PID1: variants seen among roughly 807,000 people sequenced by gnomAD.
PID1 encodes the protein phosphotyrosine interaction domain containing 1, also known as PTB-containing, cubilin and LRP1-interacting protein.
In PID1, 10 loss-of-function variants were observed where a neutral mutation model predicts 19.1. The ratio of observed to expected loss-of-function variants is 0.52; its 90% CI spans 0.32 to 0.89. The LOEUF (loss-of-function observed/expected upper bound fraction) is 0.89. Ranked by LOEUF, PID1 falls within the 40% of genes least tolerant of loss-of-function variation. PID1 has a pLI of 0.03. For missense variants in PID1, 248 were observed against 285.3 expected (o/e 0.87, Z 0.94); for synonymous variants, 130 against 116.0 (o/e 1.12, Z -0.78).
At chr2:229,084,070 A>G (rs2106213173) in intron 2 of PID1, among the ~76,000 whole-genome samples, 4 of 152,334 alleles carry the variant, frequency 2.6e-5, no homozygotes, top group Admixed American at 2.6e-4. Context: ...GCTCACTGCC[A>G]ATCGGACCCT....
At chr2:229,176,934 T>C (rs1282003118) in intron 1 of PID1, among the ~76,000 whole-genome samples, 1 of 152,174 alleles carries the variant, frequency 6.6e-6, no homozygotes, top group South Asian at 2.1e-4. Flanking sequence ...CACATGCTGA[T>C]AGACATACCC....
Position 229,232,380 on chromosome 2 carries a change from C to T in PID1, c.30+38634G>A, listed in dbSNP as rs182000546. ...CTGTGAGGCAGAGCCTGCAGTGAGC[C>T]GAGATCGTGCCACTGTACTCTAGCC... On this transcript the variant is annotated intron_variant, in intron 1 of 2. Coordinates refer to ENST00000392055, the MANE Select transcript of PID1 (RefSeq NM_001100818.2). Among the ~76,000 whole-genome samples, 74 of 120,114 alleles carry T rather than the reference C, an allele frequency of 6.2e-4. No homozygotes were observed. In the East Asian group the frequency reaches 0.017, roughly 27 times the overall value. The allele number at this position is 120,114 out of a possible 152,430, so 78.8% of individuals were successfully genotyped here.
At chr2:229,266,209 G>A (rs1280561927) in intron 1 of PID1, among the ~76,000 whole-genome samples, 1 of 152,006 alleles carries the variant, frequency 6.6e-6, no homozygotes, top group Non-Finnish European at 1.5e-5. Context: ...TGTAATAATA[G>A]CTGTTGCTTT....
intron 2 of PID1, among the ~76,000 whole-genome samples, chr2:229,099,457 C>G (rs1695034274): frequency 6.6e-6 from 1 of 152,156 alleles, no homozygotes; most frequent in South Asian, 2.1e-4. Flanking sequence ...GCTTACTGCA[C>G]AGGTTTCCAT....
intron 2 of PID1, among the ~76,000 whole-genome samples, chr2:229,145,778 A>T (rs1284844364): frequency 2.0e-5 from 3 of 152,126 alleles, no homozygotes; most frequent in African/African-American, 7.2e-5. Flanking sequence ...CAAACTACTA[A>T]TGTGAATATT....
chr2:229,041,908 A>AC (rs1488860450), intron 2 of PID1, among the ~76,000 whole-genome samples: 1 of 152,178 alleles, frequency 6.6e-6, no homozygotes, highest in Non-Finnish European at 1.5e-5. Context: ...CATTAATGAG[A>AC]CCAATCTCAT....
At chr2:229,181,144 G>C (rs1690937804) in intron 1 of PID1, among the ~76,000 whole-genome samples, 2 of 152,150 alleles carry the variant, frequency 1.3e-5, no homozygotes, top group South Asian at 4.1e-4. Flanking sequence ...TCACCCTCCA[G>C]CTAATTCTGA....
At chr2:229,197,184 C>T (rs1299200177) in intron 1 of PID1, among the ~76,000 whole-genome samples, 1 of 151,998 alleles carries the variant, frequency 6.6e-6, no homozygotes, top group Non-Finnish European at 1.5e-5. Flanking sequence ...CTTTCCATAA[C>T]TGAGAAATGA....
At chr2:229,190,216 T>C (rs114058409) in intron 1 of PID1, among the ~76,000 whole-genome samples, 1,848 of 152,332 alleles carry the variant, frequency 0.012, 39 homozygotes, top group African/African-American at 0.043. Context: ...ACAAGATGTG[T>C]CAATTTAATA....
chr2:229,108,153 C>T (rs1695216524), intron 2 of PID1, among the ~76,000 whole-genome samples: 1 of 152,194 alleles, frequency 6.6e-6, no homozygotes, highest in Admixed American at 6.5e-5. Context: ...TTATTGAATA[C>T]ACTATTTGCT....
rs1690729737 is a variant in PID1, at chr2:229,271,194, G to A, written c.-151C>T. 5 of 773,488 alleles carry A rather than the reference G, an allele frequency of 6.5e-6. No individual in the cohort carries two copies. The highest frequency in any genetic ancestry group is 1.8e-5 in the African/African-American group (1 of 54,300). The allele number at this position is 773,488 out of a possible 1,614,324, so 47.9% of individuals were successfully genotyped here. The stretch of plus-strand genomic sequence containing the variant: ...CCACCGCCGCCGGGTGGGCGTAGGG[G>A]GCTGCGAGCAGGAGGAGGCGCGGCG... On this transcript the variant is annotated 5_prime_UTR_variant, in exon 1 of 3. Coordinates refer to ENST00000392055, the MANE Select transcript of PID1 (RefSeq NM_001100818.2).
intron 2 of PID1, among the ~76,000 whole-genome samples, chr2:229,081,148 T>C (rs1694660969): frequency 6.6e-6 from 1 of 152,202 alleles, no homozygotes; most frequent in South Asian, 2.1e-4. Context: ...TAAATATCAT[T>C]TTCTTTTAGA....
intron 1 of PID1, among the ~76,000 whole-genome samples, chr2:229,191,553 T>C (rs1221606439): frequency 1.3e-5 from 2 of 152,306 alleles, no homozygotes; most frequent in East Asian, 3.9e-4. Context: ...GTTCAGCAGC[T>C]AATACACACC....
intron 1 of PID1, among the ~76,000 whole-genome samples, chr2:229,194,804 A>G (rs1691337957): frequency 6.6e-6 from 1 of 152,022 alleles, no homozygotes; most frequent in African/African-American, 2.4e-5. Flanking sequence ...TTTAGAATAA[A>G]ACAATTAACA....
intron 1 of PID1, among the ~76,000 whole-genome samples, chr2:229,234,681 G>C (rs1400505254): frequency 6.6e-6 from 1 of 152,108 alleles, no homozygotes. Flanking sequence ...CAAATTTCAG[G>C]TATTAGGGTG....
intron 1 of PID1, among the ~76,000 whole-genome samples, chr2:229,204,921 C>G (rs1163926416): frequency 2.6e-5 from 4 of 152,042 alleles, no homozygotes; most frequent in Non-Finnish European, 1.5e-5. Flanking sequence ...TCTCAGATTA[C>G]AATGAGAACT....
intron 1 of PID1, among the ~76,000 whole-genome samples, chr2:229,258,809 C>A (rs77900660): frequency 0.013 from 1,928 of 145,410 alleles, 48 homozygotes; most frequent in East Asian, 0.085. Context: ...TTGCAGTGAG[C>A]TGAGATGGCG....
chr2:229,202,208 C>G (rs1402078999), intron 1 of PID1, among the ~76,000 whole-genome samples: 2 of 152,004 alleles, frequency 1.3e-5, no homozygotes, highest in Non-Finnish European at 2.9e-5. Context: ...GGAAGTGTAA[C>G]AAAACACGTC....
Position 229,232,593 on chromosome 2 carries a change from G to A in PID1, c.30+38421C>T, listed in dbSNP as rs976572987. 2.6e-5 allele frequency among the ~76,000 whole-genome samples: 4 copies of A among 151,064 alleles called. No homozygotes were observed. The South Asian group carries it at 6.3e-4, about 24-fold the overall frequency. On this transcript the variant is annotated intron_variant, in intron 1 of 2. Coordinates refer to ENST00000392055, the MANE Select transcript of PID1 (RefSeq NM_001100818.2). ...AGATAGGAAGATAATGTCACCTAAC[G>A]TTCCTCTCCCTTTTCCAACCTCACC...
Sources: allele counts gnomAD v4.1 joint callset (sites outside exome capture counted in the v4.1 genomes callset), GRCh38; gene constraint gnomAD v4.1.1; transcripts MANE v1.5; gene names NCBI Gene and HGNC (gene_info 2026-07-23, HGNC 2026-07-21).